The following MAD2L1BP variants were observed in gnomAD, a reference collection of about 807,000 sequenced individuals.
MAD2L1BP encodes the protein MAD2L1 binding protein.
Under a neutral mutation model 28.4 loss-of-function variants are expected in MAD2L1BP, and 22 were observed. The ratio of observed to expected loss-of-function variants is 0.77; its 90% confidence interval spans 0.55 to 1.10. The LOEUF (loss-of-function observed/expected upper bound fraction) is 1.10. Among genes scored for constraint, MAD2L1BP ranks in the 50% least tolerant of loss-of-function variants. The probability of loss-of-function intolerance (pLI) is 0.00; values close to 1 mark genes in which losing one functional copy is unlikely to be tolerated. For missense variants in MAD2L1BP, 325 were observed against 350.5 expected (o/e 0.93, Z 0.58); for synonymous variants, 146 against 133.7 (o/e 1.09, Z -0.63).
At chr6:43,633,236 G>A (rs771713515), upstream of MAD2L1BP, 1 of 422,886 alleles carries the variant, frequency 2.4e-6, no homozygotes, top group Non-Finnish European at 4.6e-6. Context: ...ACAATGGCAT[G>A]ACCTCAGCTC....
At position 43,636,491 on chromosome 6, in the gene MAD2L1BP, G is replaced by T. The variant is rs777160482; in HGVS notation, c.157G>T (p.Asp53Tyr). 1 of 1,614,226 alleles carries T rather than the reference G, an allele frequency of 6.2e-7. No homozygotes were observed. Among genetic ancestry groups the T allele is most frequent in the Admixed American group, 1.7e-5 (1 of 60,016 alleles). ...CGCTTCGGAGGCCTTTTGCCCAAGAGACTGCATGGTACCAGTGGTGTTTCC... is the reference window on the plus strand; with the variant it reads ...CGCTTCGGAGGCCTTTTGCCCAAGATACTGCATGGTACCAGTGGTGTTTCC... ...LNASEAFCPR[D>Y]CMVPVVFPGP... is the part of the protein sequence containing the mutation. The change falls in exon 2 of 3, where the codon GAC becomes TAC. Residue 53 changes from aspartate (D) to tyrosine (Y), a missense_variant. By Grantham distance (160) the Asp-to-Tyr change is radical (BLOSUM62 -3). Coordinates refer to ENST00000372171, the MANE Select transcript of MAD2L1BP (RefSeq NM_014628.3).
chr6:43,630,729 C>T (rs141381213), intron 1 of MAD2L1BP, among the ~76,000 whole-genome samples: 7,462 of 146,740 alleles, frequency 0.051, 265 homozygotes, highest in African/African-American at 0.1. Context: ...GGCAACAGAG[C>T]GAGACTCCAA....
chr6:43,634,154 C>T (rs150820722), upstream of MAD2L1BP, among the ~76,000 whole-genome samples: 3 of 152,022 alleles, frequency 2.0e-5, no homozygotes, highest in East Asian at 3.8e-4. Context: ...TCACCTCCCA[C>T]CCCAACAAAC....
At chr6:43,636,807 C>T (rs751736094) in intron 2 of MAD2L1BP, 161 bp downstream of exon 2, 67 of 787,408 alleles carry the variant, frequency 8.5e-5, no homozygotes, top group South Asian at 1.3e-4. Context: ...GTAGCCTAAC[C>T]CTTCTGGCTT....
At chr6:43,636,769 G>A (rs1770248327) in intron 2 of MAD2L1BP, 123 bp downstream of exon 2, 3 of 1,157,186 alleles carry the variant, frequency 2.6e-6, no homozygotes, top group African/African-American at 1.5e-5. Flanking sequence ...CCAGGGCTTC[G>A]GTCACTTTCT....
upstream of MAD2L1BP, among the ~76,000 whole-genome samples, chr6:43,634,162 A>AACC (rs1770067200): frequency 6.7e-6 from 1 of 149,592 alleles, no homozygotes; most frequent in Non-Finnish European, 1.5e-5. Context: ...CACCCCAACA[A>AACC]ACCTGGTCTT....
chr6:43,630,422 G>A (rs1048604803), intron 1 of MAD2L1BP, among the ~76,000 whole-genome samples: 7 of 152,054 alleles, frequency 4.6e-5, no homozygotes, highest in Non-Finnish European at 1.0e-4. Context: ...CTCGAACTGC[G>A]AGGTGCTCAT....
At chr6:43,632,102 GT>G (rs1769956036), upstream of MAD2L1BP, among the ~76,000 whole-genome samples, 1 of 151,636 alleles carries the variant, frequency 6.6e-6, no homozygotes, top group Non-Finnish European at 1.5e-5. Flanking sequence ...GTTTCTCCGT[GT>G]TGGTCAGGCT....
At chr6:43,630,908 CAAAAAAAAAAA>C (rs753239311), upstream of MAD2L1BP, among the ~76,000 whole-genome samples, 2 of 53,624 alleles carry the variant, frequency 3.7e-5, no homozygotes, top group Admixed American at 2.0e-4. Flanking sequence ...GACTTCGTCT[CAAAAAAAAAAA>C]AAAAAAAAAA....
intron 2 of MAD2L1BP, among the ~76,000 whole-genome samples, chr6:43,638,095 G>A (rs964493107): frequency 1.3e-5 from 2 of 150,642 alleles, no homozygotes; most frequent in African/African-American, 4.9e-5. Flanking sequence ...ACAGGGTATC[G>A]CAATGTTGGC....
At chr6:43,638,889 A>C (rs1770411845) in intron 2 of MAD2L1BP, among the ~76,000 whole-genome samples, 1 of 152,022 alleles carries the variant, frequency 6.6e-6, no homozygotes, top group African/African-American at 2.4e-5. Context: ...TTAGGTGGGA[A>C]CCTGGTGATC....
At chr6:43,636,274 G>A in intron 1 of MAD2L1BP, 107 bp from the exon 2 acceptor site, 1 of 1,120,994 alleles carries the variant, frequency 8.9e-7, no homozygotes, top group South Asian at 1.5e-5. Context: ...GTATGTCGGA[G>A]TGCCTGCTTT....
intron 2 of MAD2L1BP, among the ~76,000 whole-genome samples, chr6:43,639,500 T>A (rs1770450554): frequency 6.6e-6 from 1 of 152,264 alleles, no homozygotes; most frequent in African/African-American, 2.4e-5. Context: ...TTGTGTAGTT[T>A]CCAGTTCTTT....
At chr6:43,638,276 A>G (rs1045037820) in intron 2 of MAD2L1BP, among the ~76,000 whole-genome samples, 5 of 151,970 alleles carry the variant, frequency 3.3e-5, no homozygotes, top group African/African-American at 1.2e-4. Context: ...TCCTGACCTC[A>G]GGTTATCCAC....
chr6:43,630,151 G>A (rs1036096709), intron 1 of MAD2L1BP, among the ~76,000 whole-genome samples: 1 of 152,340 alleles, frequency 6.6e-6, no homozygotes, highest in Non-Finnish European at 1.5e-5. Flanking sequence ...GGCAGTGGCC[G>A]GGAATAGAAA....
At chr6:43,631,637 A>G (rs1769931861), upstream of MAD2L1BP, among the ~76,000 whole-genome samples, 1 of 152,134 alleles carries the variant, frequency 6.6e-6, no homozygotes, top group African/African-American at 2.4e-5. Context: ...GGTGCGAGCC[A>G]CCATGCCCAG....
chr6:43,632,277 TTTTA>T (rs1769968058), upstream of MAD2L1BP, among the ~76,000 whole-genome samples: 1 of 150,744 alleles, frequency 6.6e-6, no homozygotes, highest in South Asian at 2.1e-4. Flanking sequence ...TTTTTTTTTT[TTTTA>T]GGTAGGGTCT....
chr6:43,638,547 A>G (rs538034256), intron 2 of MAD2L1BP, among the ~76,000 whole-genome samples: 1 of 152,052 alleles, frequency 6.6e-6, no homozygotes, highest in South Asian at 2.1e-4. Context: ...CTGTAATCCC[A>G]ACACTTTGGG....
rs771269908 is a variant in MAD2L1BP at position 43,640,571 on chromosome 6, T to C, written c.*38T>C. The C allele has an allele frequency of 6.6e-7, 1 of 1,524,570 alleles. No individual in the cohort carries two copies. The highest frequency in any genetic ancestry group is 2.1e-5 in the Admixed American group (1 of 47,972). 94.4% of individuals were successfully genotyped at this position (1,524,570 alleles called of 1,614,324 possible). ...TAATCCTAAAAACACAATGGCTGAA[T>C]TATCTTTCTCCATGTGGCGCTGAAT... is the stretch of plus-strand genomic sequence containing the variant. On this transcript the variant is annotated 3_prime_UTR_variant, in exon 3 of 3. Transcript: ENST00000372171.
Sources: allele counts gnomAD v4.1 joint callset (sites outside exome capture counted in the v4.1 genomes callset), GRCh38; gene constraint gnomAD v4.1.1; transcripts MANE v1.5; gene names NCBI Gene and HGNC (gene_info 2026-07-23, HGNC 2026-07-21).